ZNF277: variants seen among roughly 807,000 people sequenced by gnomAD.
ZNF277 encodes the protein zinc finger protein 277.
Under a neutral mutation model 60.7 loss-of-function variants are expected in ZNF277, and 55 were observed. The observed-to-expected ratio is 0.91, with a 90% CI of 0.73 to 1.13. The LOEUF (loss-of-function observed/expected upper bound fraction) is 1.13, where lower values mean the gene tolerates loss of function less well. ZNF277 is among the 50% of genes most tolerant of loss of function. The probability of loss-of-function intolerance (pLI) is 0.00; values close to 1 mark genes in which losing one functional copy is unlikely to be tolerated. For missense variants in ZNF277, 510 were observed against 523.0 expected, an observed-to-expected ratio of 0.98 and a Z score of 0.24; for synonymous variants, 178 against 179.3, an observed-to-expected ratio of 0.99 and a Z score of 0.06.
intron 4 of ZNF277, among the ~76,000 whole-genome samples, chr7:112,301,762 A>G (rs1792475774): frequency 6.6e-6 from 1 of 152,184 alleles, no homozygotes; most frequent in African/African-American, 2.4e-5. Flanking sequence ...TAGTTATTTT[A>G]AAATCTGTCT....
At chr7:112,340,262 T>G (rs985338929) in intron 10 of ZNF277, among the ~76,000 whole-genome samples, 1 of 152,164 alleles carries the variant, frequency 6.6e-6, no homozygotes, top group Non-Finnish European at 1.5e-5. Flanking sequence ...AGAAAAATGT[T>G]ATGAGGAGTG....
chr7:112,278,427 A>G (rs1455043347), intron 1 of ZNF277, among the ~76,000 whole-genome samples: 1 of 152,184 alleles, frequency 6.6e-6, no homozygotes, highest in African/African-American at 2.4e-5. Context: ...ATCAGTGCAT[A>G]TGATGCCCAT....
intron 1 of ZNF277, among the ~76,000 whole-genome samples, chr7:112,282,194 G>A (rs1417525287): frequency 6.6e-6 from 1 of 152,206 alleles, no homozygotes; most frequent in African/African-American, 2.4e-5. Flanking sequence ...CAGTAATAGA[G>A]GTATACACAT....
intron 4 of ZNF277, among the ~76,000 whole-genome samples, chr7:112,309,240 G>T (rs1792668492): frequency 6.6e-6 from 1 of 151,896 alleles, no homozygotes; most frequent in South Asian, 2.1e-4. Context: ...CCTGAAGCCT[G>T]TGCCTCTGTA....
chr7:112,256,406 ATTAAC>A (rs1791306846), intron 1 of ZNF277, among the ~76,000 whole-genome samples: 1 of 148,552 alleles, frequency 6.7e-6, no homozygotes, highest in Non-Finnish European at 1.5e-5. Context: ...AAGTCCATTA[ATTAAC>A]TTCTTTGGAG....
intron 1 of ZNF277, among the ~76,000 whole-genome samples, chr7:112,270,279 T>C (rs1791639412): frequency 6.6e-6 from 1 of 152,108 alleles, no homozygotes; most frequent in Admixed American, 6.6e-5. Context: ...CAAAATTAAA[T>C]ATCTAACCCT....
intron 1 of ZNF277, among the ~76,000 whole-genome samples, chr7:112,252,787 A>G (rs1293075175): frequency 6.6e-6 from 1 of 152,208 alleles, no homozygotes; most frequent in Non-Finnish European, 1.5e-5. Context: ...AATCCTGACC[A>G]TGAGATCCAG....
intron 1 of ZNF277, among the ~76,000 whole-genome samples, chr7:112,214,391 T>A (rs894084005): frequency 1.2e-4 from 18 of 152,236 alleles, no homozygotes; most frequent in African/African-American, 3.9e-4. Context: ...TTGATAAACT[T>A]ATCAGACTCT....
chr7:112,207,654 A>G (rs1482421308), intron 1 of ZNF277, among the ~76,000 whole-genome samples: 1 of 146,264 alleles, frequency 6.8e-6, no homozygotes, highest in African/African-American at 2.5e-5. Flanking sequence ...CATTCCCCCC[A>G]CCCCATTTTT....
intron 10 of ZNF277, 63 bp from the exon 11 acceptor site, chr7:112,340,809 T>TA: frequency 6.8e-7 from 1 of 1,478,326 alleles, no homozygotes; most frequent in Non-Finnish European, 9.2e-7. Flanking sequence ...TTTAAGAAAT[T>TA]ATAATAGTGC....
intron 1 of ZNF277, among the ~76,000 whole-genome samples, chr7:112,254,421 T>C (rs1018920887): frequency 5.8e-4 from 88 of 152,186 alleles, no homozygotes; most frequent in African/African-American, 2.1e-3. Flanking sequence ...GAACCACTGG[T>C]GTACAGGATA....
At chr7:112,275,712 C>T (rs187097262) in intron 1 of ZNF277, among the ~76,000 whole-genome samples, 250 of 152,228 alleles carry the variant, frequency 1.6e-3, no homozygotes, top group Non-Finnish European at 2.6e-3. Context: ...GCTTCCACAT[C>T]GTTGTTACTG....
At chr7:112,314,640 C>T (rs1445651103) in intron 4 of ZNF277, among the ~76,000 whole-genome samples, 3 of 151,942 alleles carry the variant, frequency 2.0e-5, no homozygotes, top group African/African-American at 7.2e-5. Context: ...CAAAAAAATA[C>T]AGAAAATTAA....
chr7:112,295,283 T>C (rs1792298624), intron 2 of ZNF277, among the ~76,000 whole-genome samples: 2 of 152,204 alleles, frequency 1.3e-5, no homozygotes, highest in Admixed American at 1.3e-4. Context: ...GGTGTGTTGC[T>C]TCTAACTCTG....
chr7:112,218,051 G>A (rs1331816942), intron 1 of ZNF277, among the ~76,000 whole-genome samples: 4 of 152,142 alleles, frequency 2.6e-5, no homozygotes, highest in Admixed American at 2.6e-4. Flanking sequence ...CCCCAAATTT[G>A]GGGAGATTGA....
At chr7:112,316,883 C>T (rs997112445) in intron 4 of ZNF277, among the ~76,000 whole-genome samples, 6 of 151,946 alleles carry the variant, frequency 3.9e-5, no homozygotes, top group African/African-American at 9.7e-5. Flanking sequence ...TTCACAACAG[C>T]GAAGACTTGG....
intron 11 of ZNF277, 28 bp downstream of exon 11, chr7:112,341,074 T>C (rs747900077): frequency 6.6e-7 from 1 of 1,520,870 alleles, no homozygotes; most frequent in African/African-American, 1.4e-5. Flanking sequence ...AAATGTGCAC[T>C]TCTTACTCCA....
intron 1 of ZNF277, among the ~76,000 whole-genome samples, chr7:112,211,456 T>C (rs1407677413): frequency 1.3e-4 from 20 of 152,220 alleles, no homozygotes. Flanking sequence ...CAGAAAGTGC[T>C]CTTGAGAACC....
At chr7:112,285,515 A>G (rs1340205152) in intron 1 of ZNF277, among the ~76,000 whole-genome samples, 3 of 150,414 alleles carry the variant, frequency 2.0e-5, no homozygotes, top group Non-Finnish European at 4.4e-5. Flanking sequence ...GCTTACTGCA[A>G]CCTTCACTTC....
Sources: gnomAD v4.1 joint callset for allele counts (sites outside exome capture counted in the v4.1 genomes callset) on GRCh38, gnomAD v4.1.1 for gene constraint, MANE v1.5 for transcripts, NCBI Gene and HGNC (gene_info 2026-07-23, HGNC 2026-07-21) for gene names.